GRIA4: variants seen among roughly 807,000 people sequenced by gnomAD.
GRIA4 encodes glutamate ionotropic receptor AMPA type subunit 4, also known as glutamate receptor 4.
Under a neutral mutation model 104.0 loss-of-function variants are expected in GRIA4, and 34 were observed. That is an observed-to-expected ratio of 0.33 (90% confidence interval 0.25 to 0.44). The LOEUF (loss-of-function observed/expected upper bound fraction) is 0.44. Ranked by LOEUF, GRIA4 falls within the 20% of genes least tolerant of loss-of-function variation. GRIA4 has a pLI of 1.00. For missense variants in GRIA4, 750 were observed against 1,096.5 expected (o/e 0.68, Z 4.46); for synonymous variants, 386 against 381.9 (o/e 1.01, Z -0.13).
At chr11:105,756,695 G>C (rs1450573194) in intron 4 of GRIA4, among the ~76,000 whole-genome samples, 2 of 150,628 alleles carry the variant, frequency 1.3e-5, no homozygotes, top group Non-Finnish European at 2.9e-5. Flanking sequence ...AAAACTTCAA[G>C]TCTAAAACCG....
chr11:105,855,901 G>A (rs1325129029), intron 4 of GRIA4, among the ~76,000 whole-genome samples: 1 of 152,086 alleles, frequency 6.6e-6, no homozygotes, highest in African/African-American at 2.4e-5. Flanking sequence ...TTCATCAGAA[G>A]TCAACTGACA....
At chr11:105,862,722 A>G (rs948916424) in intron 5 of GRIA4, 2 of 152,602 alleles carry the variant, frequency 1.3e-5, no homozygotes, top group Non-Finnish European at 2.9e-5. Flanking sequence ...TTATAAGTCA[A>G]TACATTACTA....
At chr11:105,698,718 T>C (rs1435485640) in intron 3 of GRIA4, among the ~76,000 whole-genome samples, 1 of 152,208 alleles carries the variant, frequency 6.6e-6, no homozygotes, top group East Asian at 1.9e-4. Context: ...CTCCTATTCA[T>C]AGCATATAGC....
intron 3 of GRIA4, among the ~76,000 whole-genome samples, chr11:105,750,008 T>C (rs1939904910): frequency 6.6e-6 from 1 of 152,190 alleles, no homozygotes; most frequent in Non-Finnish European, 1.5e-5. Flanking sequence ...ACACATTCAA[T>C]TCAGCTTAGT....
At chr11:105,688,193 T>TCTATCTAG (rs1442728976) in intron 3 of GRIA4, among the ~76,000 whole-genome samples, 4 of 151,810 alleles carry the variant, frequency 2.6e-5, no homozygotes, top group Non-Finnish European at 5.9e-5. Context: ...TATCTATTTA[T>TCTATCTAG]CTATATGCTA....
At chr11:105,788,245 A>C (rs1942061895) in intron 4 of GRIA4, among the ~76,000 whole-genome samples, 1 of 151,720 alleles carries the variant, frequency 6.6e-6, no homozygotes, top group African/African-American at 2.4e-5. Context: ...CAAAAAAAAC[A>C]AAAGATGTTG....
chr11:105,920,347 A>T (rs1190987309), intron 11 of GRIA4, among the ~76,000 whole-genome samples: 1 of 152,170 alleles, frequency 6.6e-6, no homozygotes, highest in East Asian at 1.9e-4. Flanking sequence ...TAAACTTTTG[A>T]TACAGTAAGC....
At chr11:105,776,922 A>G (rs1941475400) in intron 4 of GRIA4, among the ~76,000 whole-genome samples, 1 of 152,200 alleles carries the variant, frequency 6.6e-6, no homozygotes, top group African/African-American at 2.4e-5. Flanking sequence ...GGATAAACCT[A>G]TACCAAGATG....
In GRIA4 at chr11:105,627,994, GA is replaced by G. The variant is rs1419345846; in HGVS notation, c.247+15561del. On this transcript the variant is annotated intron_variant, in intron 3 of 16. Transcript: ENST00000282499. ...ACTTGCCACTCAATCACATATTACA[GA>G]GTAATAAAAACTTGTTAAAAAATGA... Among the ~76,000 whole-genome samples the G allele has an allele frequency of 4.6e-5, 7 of 152,118 alleles. No individual in the cohort carries two copies. In the South Asian group the frequency reaches 1.3e-3, roughly 27 times the overall value.
intron 14 of GRIA4, among the ~76,000 whole-genome samples, chr11:105,965,001 T>A (rs1276233550): frequency 3.3e-5 from 5 of 152,090 alleles, no homozygotes; most frequent in African/African-American, 1.2e-4. Flanking sequence ...GAGACAGGGT[T>A]TCGCCATGTT....
At chr11:105,748,451 C>T (rs1209198931) in intron 3 of GRIA4, among the ~76,000 whole-genome samples, 8 of 151,848 alleles carry the variant, frequency 5.3e-5, no homozygotes, top group Admixed American at 3.9e-4. Context: ...CCGATCTCAA[C>T]TCACTGCAAC....
At chr11:105,695,876 A>C (rs1822993) in intron 3 of GRIA4, among the ~76,000 whole-genome samples, 69,051 of 151,886 alleles carry the variant, frequency 0.45, 15,823 homozygotes, top group East Asian at 0.56. Flanking sequence ...CTAAACACAT[A>C]AAATATTGTA....
In GRIA4 at chr11:105,688,156, C is replaced by CTATATCTATATCTCTATCTA. The variant is rs373564678; in HGVS notation, c.248-64824_248-64823insATATCTATATCTCTATCTAT. 3.8e-3 allele frequency among the ~76,000 whole-genome samples: 274 copies of CTATATCTATATCTCTATCTA among 72,614 alleles called. 1 individual carries two copies. The highest frequency in any genetic ancestry group is 6.7e-3 in the Middle Eastern group (1 of 150). The allele number at this position is 72,614 out of a possible 152,430, so 47.6% of individuals were successfully genotyped here. A position where few individuals can be genotyped will look rare whatever the true frequency, so the allele number is the denominator to read the frequency against. On this transcript the variant is annotated intron_variant, in intron 3 of 16. Transcript: ENST00000282499. ...TCTATATCTATATCTATATCTATAT[C>CTATATCTATATCTCTATCTA]TCTATCTATCTATCTATCTATCTAT...
At chr11:105,936,825 T>A (rs1948054396) in intron 14 of GRIA4, among the ~76,000 whole-genome samples, 2 of 152,336 alleles carry the variant, frequency 1.3e-5, no homozygotes, top group East Asian at 3.9e-4. Context: ...CTAGCACCTG[T>A]CCTTACAGTA....
At chr11:105,668,677 C>CTT (rs11378145) in intron 3 of GRIA4, among the ~76,000 whole-genome samples, 4,114 of 140,460 alleles carry the variant, frequency 0.029, 149 homozygotes, top group Middle Eastern at 0.078. Flanking sequence ...TATCTTTTGT[C>CTT]TTTTTTTTTT....
chr11:105,916,984 C>T (rs1172338927), intron 10 of GRIA4, among the ~76,000 whole-genome samples: 5 of 152,034 alleles, frequency 3.3e-5, no homozygotes, highest in African/African-American at 1.2e-4. Context: ...TAAGAATTAG[C>T]TCCTAATAAC....
intron 4 of GRIA4, among the ~76,000 whole-genome samples, chr11:105,843,735 G>C (rs1301367161): frequency 1.3e-5 from 2 of 152,190 alleles, no homozygotes; most frequent in Non-Finnish European, 2.9e-5. Flanking sequence ...GAAGTGCTGG[G>C]ACGATCGTAT....
intron 3 of GRIA4, among the ~76,000 whole-genome samples, chr11:105,750,536 G>A (rs368530646): frequency 2.0e-5 from 3 of 152,028 alleles, no homozygotes; most frequent in Admixed American, 6.6e-5. Context: ...GCAAATGAAC[G>A]AAAGCAGATA....
chr11:105,611,308 G>A (rs1190908441), intron 2 of GRIA4, among the ~76,000 whole-genome samples: 1 of 152,062 alleles, frequency 6.6e-6, no homozygotes, highest in Non-Finnish European at 1.5e-5. Flanking sequence ...TCAGCCCATA[G>A]CCCTATTTCC....
Sources: gnomAD v4.1 joint callset for allele counts (sites outside exome capture counted in the v4.1 genomes callset) on GRCh38, gnomAD v4.1.1 for gene constraint, MANE v1.5 for transcripts, NCBI Gene and HGNC (gene_info 2026-07-23, HGNC 2026-07-21) for gene names.